The following NOTCH2NLC variants were observed in gnomAD, a reference collection of about 807,000 sequenced individuals.
The protein encoded by NOTCH2NLC is notch 2 N-terminal like C.
Under a neutral mutation model 17.7 loss-of-function variants are expected in NOTCH2NLC, and 4 were observed. That is an observed-to-expected ratio of 0.23 (90% CI 0.11 to 0.52). The LOEUF is 0.52. Ranked by LOEUF, NOTCH2NLC falls within the 20% of genes least tolerant of loss-of-function variation. The probability of loss-of-function intolerance (pLI) is 0.96; values close to 1 mark genes in which losing one functional copy is unlikely to be tolerated. For synonymous variants in NOTCH2NLC, 18 were observed against 86.0 expected, an observed-to-expected ratio of 0.21 and a Z score of 4.38; for missense variants, 57 against 207.2, an observed-to-expected ratio of 0.28 and a Z score of 4.45.
rs1170627782 is a variant in NOTCH2NLC, at chr1:149,466,225, T to C, written c.*2072T>C. On this transcript the variant is annotated 3_prime_UTR_variant, in exon 5 of 5. Coordinates refer to ENST00000650865, the MANE Select transcript of NOTCH2NLC (RefSeq NM_001364013.2). The stretch of plus-strand genomic sequence containing the variant: ...CAAGACACTCCTAATTATAATCAAA[T>C]AGTACTTGTTACATATCAATATGTG... The C allele has an allele frequency of 3.5e-5, 5 of 141,612 alleles. No homozygotes were observed. The highest frequency in any genetic ancestry group is 1.1e-4 in the African/African-American group (4 of 37,740). The allele number at this position is 141,612 out of a possible 1,614,324, so 8.8% of individuals were successfully genotyped here.
chr1:149,409,456 A>G (rs1373190450), intron 1 of NOTCH2NLC, among the ~76,000 whole-genome samples: 1 of 149,744 alleles, frequency 6.7e-6, no homozygotes, highest in Non-Finnish European at 1.5e-5. Context: ...GCATAGATCT[A>G]GTGAAAAGAT....
Position 149,393,776 on chromosome 1 carries a change from G to A in NOTCH2NLC, c.135+2854G>A, listed in dbSNP as rs2084190524. Among the ~76,000 whole-genome samples the A allele has an allele frequency of 2.4e-5, 3 of 122,822 alleles. 1 individual carries two copies. The highest frequency in any genetic ancestry group is 5.1e-5 in the Non-Finnish European group (3 of 59,342). 80.6% of individuals were successfully genotyped at this position (122,822 alleles called of 152,430 possible). A position where few individuals can be genotyped will look rare whatever the true frequency, so the allele number is the denominator to read the frequency against. On this transcript the variant is annotated intron_variant, in intron 1 of 4. Transcript: ENST00000650865. ...TTTTTTTTGGTGTGGTGGAGAGGAG[G>A]AGGAGAGTGATTCCTAGTCTCTCTT...
At chr1:149,419,268 T>TAGAGAG (rs2084365075) in intron 1 of NOTCH2NLC, among the ~76,000 whole-genome samples, 1 of 150,804 alleles carries the variant, frequency 6.6e-6, no homozygotes, top group South Asian at 2.1e-4. Context: ...TTTTGACCTC[T>TAGAGAG]CTAGAACAAA....
At chr1:149,410,387 C>T (rs1462238283) in intron 1 of NOTCH2NLC, among the ~76,000 whole-genome samples, 1 of 148,782 alleles carries the variant, frequency 6.7e-6, no homozygotes, top group Non-Finnish European at 1.5e-5. Context: ...TTTTCTAAAT[C>T]TTGTTGTGTT....
At chr1:149,412,833 C>A in intron 1 of NOTCH2NLC, among the ~76,000 whole-genome samples, 1 of 141,938 alleles carries the variant, frequency 7.0e-6, no homozygotes, top group African/African-American at 2.6e-5. Context: ...AAAAAAAAAC[C>A]AAGGTAAAGT....
intron 1 of NOTCH2NLC, among the ~76,000 whole-genome samples, chr1:149,394,325 G>A (rs1249422185): frequency 1.3e-5 from 2 of 150,176 alleles, no homozygotes; most frequent in Non-Finnish European, 3.0e-5. Context: ...TGTGTATGAG[G>A]TCTTTCTAAA....
intron 1 of NOTCH2NLC, among the ~76,000 whole-genome samples, chr1:149,415,909 G>A (rs1160264437): frequency 4.7e-5 from 7 of 150,262 alleles, no homozygotes; most frequent in African/African-American, 1.7e-4. Flanking sequence ...TTATTTATAG[G>A]GTATATTATT....
chr1:149,460,299 C>T, intron 3 of NOTCH2NLC, among the ~76,000 whole-genome samples: 1 of 144,152 alleles, frequency 6.9e-6, no homozygotes, highest in Admixed American at 6.9e-5. Flanking sequence ...TAAGAAGGAT[C>T]TCTTTTTGGT....
chr1:149,432,607 T>G (rs1337572043), intron 2 of NOTCH2NLC, among the ~76,000 whole-genome samples: 4 of 151,146 alleles, frequency 2.6e-5, no homozygotes, highest in Non-Finnish European at 5.9e-5. Flanking sequence ...GTTGCTTGCT[T>G]TATTCTGTTA....
Position 149,462,984 on chromosome 1 carries a change from C to T in NOTCH2NLC, c.470-507C>T, listed in dbSNP as rs1374150967. On this transcript the variant is annotated intron_variant, in intron 3 of 4. Transcript: ENST00000650865. ...CCAAGTAGCTGGGATTACAGGTGCGCGCCACCATGCCCAGCTAATTTTTGT... is the reference window on the plus strand; with the variant it reads ...CCAAGTAGCTGGGATTACAGGTGCGTGCCACCATGCCCAGCTAATTTTTGT... Among the ~76,000 whole-genome samples, 432 of 146,744 alleles carry T rather than the reference C, an allele frequency of 2.9e-3. 10 individuals carry two copies. The highest frequency in any genetic ancestry group is 4.9e-3 in the Non-Finnish European group (323 of 65,510).
At chr1:149,460,528 G>A (rs2084637368) in intron 3 of NOTCH2NLC, among the ~76,000 whole-genome samples, 1 of 148,732 alleles carries the variant, frequency 6.7e-6, no homozygotes, top group South Asian at 2.1e-4. Flanking sequence ...TAGTAGAGAT[G>A]GGCTTTCACC....
Position 149,439,994 on chromosome 1 carries a change from G to A in NOTCH2NLC, c.209+8979G>A, listed in dbSNP as rs1477771940. On this transcript the variant is annotated intron_variant, in intron 2 of 4. Coordinates refer to ENST00000650865, the MANE Select transcript of NOTCH2NLC (RefSeq NM_001364013.2). ...CTAAGAAAGGCATTATTTAAGTGAT[G>A]GGTGATATTATTCAGCAAACACATT... Among the ~76,000 whole-genome samples, 8 of 149,364 alleles carry A rather than the reference G, an allele frequency of 5.4e-5. 1 individual carries two copies. In the East Asian group the frequency reaches 1.6e-3, roughly 30 times the overall value.
intron 2 of NOTCH2NLC, among the ~76,000 whole-genome samples, chr1:149,445,032 C>T (rs2084541379): frequency 1.4e-5 from 2 of 144,644 alleles, no homozygotes; most frequent in African/African-American, 5.2e-5. Context: ...TCTTTTTTTC[C>T]CCTCTTTACC....
At chr1:149,429,549 C>T (rs1176124077) in intron 1 of NOTCH2NLC, among the ~76,000 whole-genome samples, 1 of 150,606 alleles carries the variant, frequency 6.6e-6, no homozygotes, top group African/African-American at 2.4e-5. Context: ...AGGATAGTGC[C>T]TGGTATTTAG....
chr1:149,398,684 G>A (rs1164133705), intron 1 of NOTCH2NLC, among the ~76,000 whole-genome samples: 6 of 151,140 alleles, frequency 4.0e-5, no homozygotes, highest in South Asian at 2.1e-4. Flanking sequence ...AGCCAGCTAC[G>A]TCGCTCCAGC....
chr1:149,455,629 AT>A (rs2084612826), intron 3 of NOTCH2NLC, 52 bp downstream of exon 3: 1 of 1,555,568 alleles, frequency 6.4e-7, no homozygotes, highest in African/African-American at 1.4e-5. Flanking sequence ...AGATACCTTT[AT>A]TTAGCATCTT....
At chr1:149,413,254 C>T (rs2084309501) in intron 1 of NOTCH2NLC, among the ~76,000 whole-genome samples, 1 of 150,814 alleles carries the variant, frequency 6.6e-6, no homozygotes. Flanking sequence ...ATTCTTCACA[C>T]CATACCACTT....
At chr1:149,394,331 C>A (rs1451016758) in intron 1 of NOTCH2NLC, among the ~76,000 whole-genome samples, 1 of 150,316 alleles carries the variant, frequency 6.7e-6, no homozygotes, top group Non-Finnish European at 1.5e-5. Context: ...TGAGGTCTTT[C>A]TAAATTTAAG....
At chr1:149,424,511 A>G (rs2084400563) in intron 1 of NOTCH2NLC, among the ~76,000 whole-genome samples, 1 of 150,970 alleles carries the variant, frequency 6.6e-6, no homozygotes, top group African/African-American at 2.4e-5. Flanking sequence ...GTAGGGGACA[A>G]TGCTGACAGT....
Sources: gnomAD v4.1 joint callset for allele counts (sites outside exome capture counted in the v4.1 genomes callset) on GRCh38, gnomAD v4.1.1 for gene constraint, MANE v1.5 for transcripts, NCBI Gene and HGNC (gene_info 2026-07-23, HGNC 2026-07-21) for gene names.